Variants in PDCL2 observed in about 807,000 individuals in gnomAD.
The protein encoded by PDCL2 is phosducin like 2.
In PDCL2, 23 loss-of-function variants were observed where a neutral mutation model predicts 30.3. The observed-to-expected ratio is 0.76, with a 90% CI of 0.55 to 1.08. The LOEUF (loss-of-function observed/expected upper bound fraction) is 1.08, where lower values mean the gene tolerates loss of function less well. Among genes scored for constraint, PDCL2 ranks in the 50% least tolerant of loss-of-function variants. PDCL2 has a pLI of 0.00. For missense variants in PDCL2, 243 were observed against 282.3 expected, an observed-to-expected ratio of 0.86 and a Z score of 1.00; for synonymous variants, 68 against 86.2, an observed-to-expected ratio of 0.79 and a Z score of 1.17.
At position 55,570,106 on chromosome 4, in the gene PDCL2, A is replaced by C. The variant is rs921330452; in HGVS notation, c.219-245T>G. 3.3e-5 allele frequency among the ~76,000 whole-genome samples: 5 copies of C among 152,174 alleles called. No homozygotes were observed. The South Asian group carries it at 6.2e-4, about 19-fold the overall frequency. On this transcript the variant is annotated intron_variant, in intron 3 of 5. Transcript: ENST00000295645. ...ACTTTTAAATTTGTTTGTATTTAAG[A>C]CTAGGTTTAAATCATAGCTATAGAG... is the stretch of plus-strand genomic sequence containing the variant.
intron 4 of PDCL2, among the ~76,000 whole-genome samples, chr4:55,569,481 G>C (rs1732364641): frequency 6.6e-6 from 1 of 152,064 alleles, no homozygotes; most frequent in African/African-American, 2.4e-5. Flanking sequence ...AACTACCAAA[G>C]AGTGCTTATT....
chr4:55,581,049 C>CT, intron 2 of PDCL2, 138 bp from the exon 3 acceptor site: 1 of 552,106 alleles, frequency 1.8e-6, no homozygotes, highest in South Asian at 3.2e-5. Context: ...AATCCCAGTA[C>CT]TTTGATAGGT....
intron 3 of PDCL2, among the ~76,000 whole-genome samples, chr4:55,577,327 T>TG (rs1043512053): frequency 2.2e-4 from 33 of 152,242 alleles, no homozygotes; most frequent in Admixed American, 4.6e-4. Flanking sequence ...CATATGAATT[T>TG]GGGGGGGACA....
At chr4:55,580,944 G>T in intron 2 of PDCL2, 33 bp from the exon 3 acceptor site, 3 of 1,528,904 alleles carry the variant, frequency 2.0e-6, no homozygotes, top group Non-Finnish European at 2.6e-6. Context: ...TTATCAAATT[G>T]TTTAAAAATT....
chr4:55,559,442 G>T (rs1316241880), intron 5 of PDCL2, among the ~76,000 whole-genome samples: 4 of 152,130 alleles, frequency 2.6e-5, no homozygotes, highest in South Asian at 2.1e-4. Flanking sequence ...TGAAATAAGA[G>T]ATTCTGAATA....
chr4:55,574,069 T>TAA (rs970733180), intron 3 of PDCL2, among the ~76,000 whole-genome samples: 2 of 152,162 alleles, frequency 1.3e-5, no homozygotes, highest in Admixed American at 6.5e-5. Flanking sequence ...GTTTTTACTT[T>TAA]AAATGAGGAA....
At chr4:55,579,177 C>CTTTT (rs1017154763) in intron 3 of PDCL2, among the ~76,000 whole-genome samples, 1 of 140,050 alleles carries the variant, frequency 7.1e-6, no homozygotes, top group African/African-American at 2.6e-5. Context: ...ACTCCTGGGA[C>CTTTT]TTTTTTTTTT....
chr4:55,578,065 AT>A (rs1397798254), intron 3 of PDCL2, among the ~76,000 whole-genome samples: 2 of 152,066 alleles, frequency 1.3e-5, no homozygotes, highest in African/African-American at 4.8e-5. Flanking sequence ...CTTCTCAGGT[AT>A]TTTTTGAGCC....
chr4:55,569,956 G>A (rs1217795887), intron 3 of PDCL2, 95 bp from the exon 4 acceptor site: 2 of 868,010 alleles, frequency 2.3e-6, no homozygotes, highest in Non-Finnish European at 3.3e-6. Flanking sequence ...TGAATATAAT[G>A]CCTATCCATA....
intron 1 of PDCL2, 104 bp downstream of exon 1, chr4:55,592,000 G>C: frequency 6.8e-7 from 1 of 1,470,092 alleles, no homozygotes; most frequent in Non-Finnish European, 9.3e-7. Flanking sequence ...AAATGTTAGA[G>C]CCTACCTCCT....
chr4:55,571,850 C>T (rs1281156282), intron 3 of PDCL2, among the ~76,000 whole-genome samples: 1 of 151,186 alleles, frequency 6.6e-6, no homozygotes, highest in African/African-American at 2.4e-5. Context: ...AATTGAAGTC[C>T]TTCAATTTTT....
intron 1 of PDCL2, among the ~76,000 whole-genome samples, chr4:55,582,966 CTTTTA>C (rs938980941): frequency 1.2e-4 from 18 of 151,972 alleles, no homozygotes; most frequent in South Asian, 2.1e-4. Context: ...ATAGTATTCC[CTTTTA>C]TTTTATTTTA....
chr4:55,562,773 T>A (rs954678932), intron 4 of PDCL2, among the ~76,000 whole-genome samples, 161 bp from the exon 5 acceptor site: 1 of 152,122 alleles, frequency 6.6e-6, no homozygotes, highest in Non-Finnish European at 1.5e-5. Flanking sequence ...AAGAACTGTA[T>A]GTAGAGTCCT....
chr4:55,565,317 T>C lies in PDCL2; in HGVS notation c.363-2705A>G, dbSNP rs920709322. Among the ~76,000 whole-genome samples, 3 of 152,174 alleles carry C rather than the reference T, an allele frequency of 2.0e-5. No homozygotes were observed. In the East Asian group the frequency reaches 5.8e-4, roughly 29 times the overall value. ...GGACTGTATTAGTCCGTTCTCATGC[T>C]GCTAATAAAGACATACCCAAGGCTG... On this transcript the variant is annotated intron_variant, in intron 4 of 5. Transcript: ENST00000295645.
intron 4 of PDCL2, among the ~76,000 whole-genome samples, chr4:55,564,986 G>A (rs150082606): frequency 6.6e-6 from 1 of 152,254 alleles, no homozygotes; most frequent in East Asian, 1.9e-4. Flanking sequence ...CAGTTTAAAT[G>A]ATAATAGCTT....
intron 1 of PDCL2, among the ~76,000 whole-genome samples, chr4:55,588,988 G>A (rs1732932207): frequency 6.6e-6 from 1 of 151,908 alleles, no homozygotes; most frequent in Admixed American, 6.6e-5. Context: ...CTCCCAAGTA[G>A]CTGGGACCAC....
At chr4:55,579,323 T>TTTTG (rs561786135) in intron 3 of PDCL2, among the ~76,000 whole-genome samples, 2,138 of 152,192 alleles carry the variant, frequency 0.014, 44 homozygotes, top group African/African-American at 0.047. Context: ...TTTATTTGTT[T>TTTTG]TTTGTTTGTT....
At chr4:55,574,227 G>T (rs1560502446) in intron 3 of PDCL2, among the ~76,000 whole-genome samples, 1 of 152,236 alleles carries the variant, frequency 6.6e-6, no homozygotes, top group South Asian at 2.1e-4. Flanking sequence ...ACAAATAAAA[G>T]AATTTCTATT....
intron 3 of PDCL2, among the ~76,000 whole-genome samples, chr4:55,575,385 GA>G (rs966930821): frequency 2.0e-5 from 3 of 149,706 alleles, no homozygotes; most frequent in South Asian, 2.1e-4. Flanking sequence ...AAAAAAGAAT[GA>G]AAAAAAAATA....
Sources: gnomAD v4.1 joint callset for allele counts (sites outside exome capture counted in the v4.1 genomes callset) on GRCh38, gnomAD v4.1.1 for gene constraint, MANE v1.5 for transcripts, NCBI Gene and HGNC (gene_info 2026-07-23, HGNC 2026-07-21) for gene names.